Variants in KLHL20 observed in about 807,000 individuals in gnomAD.
The protein encoded by KLHL20 is kelch like family member 20.
KLHL20 carries 29 observed loss-of-function variants against 69.5 expected under a neutral mutation model. The ratio of observed to expected loss-of-function variants is 0.42; its 90% CI spans 0.31 to 0.57. The LOEUF (loss-of-function observed/expected upper bound fraction) is 0.57, where lower values mean the gene tolerates loss of function less well. Ranked by LOEUF, KLHL20 falls within the 20% of genes least tolerant of loss-of-function variation. KLHL20 has a pLI of 0.18. For synonymous variants in KLHL20, 253 were observed against 265.2 expected (o/e 0.95, Z 0.45); for missense variants, 419 against 776.0 (o/e 0.54, Z 5.47).
At chr1:173,777,308 T>C (rs1648534146) in intron 10 of KLHL20, among the ~76,000 whole-genome samples, 1 of 152,222 alleles carries the variant, frequency 6.6e-6, no homozygotes, top group African/African-American at 2.4e-5. Flanking sequence ...AATAGCTTTT[T>C]GGTGGAGTCT....
intron 7 of KLHL20, among the ~76,000 whole-genome samples, chr1:173,759,131 C>T (rs1344088121): frequency 1.3e-5 from 2 of 152,086 alleles, no homozygotes; most frequent in Admixed American, 1.3e-4. Context: ...TACTGACAAC[C>T]TGCATGACTC....
In KLHL20 at chr1:173,756,970, C is replaced by G; in HGVS notation, c.968-6C>G. On this transcript the variant is annotated splice_polypyrimidine_tract_variant and splice_region_variant and intron_variant, in intron 6 of 11. Coordinates refer to ENST00000209884, the MANE Select transcript of KLHL20 (RefSeq NM_014458.4). ...ATTCTCTTGACCATTTCTGTTACTT[C>G]CCCAGTTGGTGGTTGGTGCAGTGGA... 3 of 1,612,102 alleles carry G rather than the reference C, an allele frequency of 1.9e-6. No homozygotes were observed. Among genetic ancestry groups the G allele is most frequent in the Non-Finnish European group, 2.5e-6 (3 of 1,178,718 alleles).
chr1:173,747,419 A>G (rs1209797163), intron 3 of KLHL20, among the ~76,000 whole-genome samples: 1 of 152,012 alleles, frequency 6.6e-6, no homozygotes, highest in Non-Finnish European at 1.5e-5. Context: ...GTCAGATTTA[A>G]TTCATTTGTT....
intron 5 of KLHL20, among the ~76,000 whole-genome samples, chr1:173,753,693 T>C (rs1673408625): frequency 1.3e-5 from 2 of 152,120 alleles, no homozygotes; most frequent in Admixed American, 1.3e-4. Context: ...ATATGTCTGG[T>C]TGGGGAATAG....
intron 8 of KLHL20, among the ~76,000 whole-genome samples, chr1:173,770,826 T>A (rs1648046107): frequency 6.6e-6 from 1 of 152,040 alleles, no homozygotes; most frequent in Non-Finnish European, 1.5e-5. Context: ...GAATGAATAC[T>A]AAGAACTATA....
At chr1:173,751,027 T>C (rs1036241005) in intron 3 of KLHL20, among the ~76,000 whole-genome samples, 2 of 152,180 alleles carry the variant, frequency 1.3e-5, no homozygotes, top group Non-Finnish European at 2.9e-5. Flanking sequence ...TGTAGTACAG[T>C]CTCGTGAGTA....
intron 2 of KLHL20, among the ~76,000 whole-genome samples, chr1:173,733,221 C>A (rs553052781): frequency 6.6e-6 from 1 of 151,948 alleles, no homozygotes; most frequent in African/African-American, 2.4e-5. Flanking sequence ...AGGGTTTTGC[C>A]ACATTCACCA....
chr1:173,756,102 A>T, intron 6 of KLHL20, 64 bp downstream of exon 6: 1 of 1,167,796 alleles, frequency 8.6e-7, no homozygotes, highest in Non-Finnish European at 1.3e-6. Flanking sequence ...TGTCATTTGA[A>T]AAATCCTTTG....
In KLHL20 at chr1:173,767,813, A is replaced by T. The variant is rs534072462; in HGVS notation, c.1295+1524A>T. Among the ~76,000 whole-genome samples, 3 of 152,204 alleles carry T rather than the reference A, an allele frequency of 2.0e-5. No individual in the cohort carries two copies. In the South Asian group the frequency reaches 6.2e-4, roughly 32 times the overall value. On this transcript the variant is annotated intron_variant, in intron 8 of 11. Coordinates refer to ENST00000209884, the MANE Select transcript of KLHL20 (RefSeq NM_014458.4). ...CTTTTATGAGATGTATGGCTTGCAG[A>T]TATGTTCTCCCACTCTGTAGATTGT...
At position 173,733,573 on chromosome 1, in the gene KLHL20, C is replaced by T. The variant is rs1008218972; in HGVS notation, c.24-140C>T. ...GACCAATCTGGGCAACACAGTGAGA[C>T]ATCATCTCTACAAAAAATTTAAAAA... is the stretch of plus-strand genomic sequence containing the variant. On this transcript the variant is annotated intron_variant, in intron 2 of 11. Transcript: ENST00000209884. 8 of 716,584 alleles carry T rather than the reference C, an allele frequency of 1.1e-5. No homozygotes were observed. In the Admixed American group the frequency reaches 1.5e-4, roughly 13 times the overall value. The allele number at this position is 716,584 out of a possible 1,614,324, so 44.4% of individuals were successfully genotyped here.
chr1:173,731,108 A>G (rs60495377), intron 2 of KLHL20, among the ~76,000 whole-genome samples: 9,284 of 152,264 alleles, frequency 0.061, 992 homozygotes, highest in African/African-American at 0.21. Context: ...CAAAAGACAC[A>G]TGAAAAAATG....
chr1:173,725,234 C>G (rs955557852), intron 2 of KLHL20, among the ~76,000 whole-genome samples: 1 of 152,230 alleles, frequency 6.6e-6, no homozygotes, highest in African/African-American at 2.4e-5. Context: ...TCCCAGCATT[C>G]ACATGAATTA....
At chr1:173,770,378 C>T (rs1472385168) in intron 8 of KLHL20, among the ~76,000 whole-genome samples, 2 of 151,760 alleles carry the variant, frequency 1.3e-5, no homozygotes, top group South Asian at 2.1e-4. Flanking sequence ...AAATAGAAGG[C>T]GAAAAGAGGA....
At chr1:173,735,057 T>C in intron 3 of KLHL20, among the ~76,000 whole-genome samples, 1 of 151,980 alleles carries the variant, frequency 6.6e-6, no homozygotes, top group African/African-American at 2.4e-5. Context: ...AAAAACCCAG[T>C]GAGACCCAGA....
rs1191336002 is a variant in KLHL20, at chr1:173,743,121, A to T, written c.598-8643A>T. Among the ~76,000 whole-genome samples the T allele has an allele frequency of 3.0e-4, 7 of 23,426 alleles. No homozygotes were observed. The African/African-American group carries it at 0.016, about 52-fold the overall frequency. The allele number at this position is 23,426 out of a possible 152,430, so 15.4% of individuals were successfully genotyped here. A position where few individuals can be genotyped will look rare whatever the true frequency, so the allele number is the denominator to read the frequency against. On this transcript the variant is annotated intron_variant, in intron 3 of 11. Transcript: ENST00000209884. ...CATAGGGTATAATAAGGAATGTGTA[A>T]AAAAAAAAAAAAAGGTGGTCAAATG...
chr1:173,777,470 C>T (rs1050443633), intron 10 of KLHL20, among the ~76,000 whole-genome samples: 5 of 152,236 alleles, frequency 3.3e-5, no homozygotes, highest in South Asian at 4.1e-4. Context: ...GGTGAAAGTG[C>T]GCATCCCTGT....
chr1:173,774,678 A>G (rs1648337724), intron 9 of KLHL20, among the ~76,000 whole-genome samples: 1 of 152,240 alleles, frequency 6.6e-6, no homozygotes, highest in African/African-American at 2.4e-5. Context: ...GAAATTTATA[A>G]TGAATTTTAA....
chr1:173,768,618 A>T (rs1364555377), intron 8 of KLHL20, among the ~76,000 whole-genome samples: 2 of 152,244 alleles, frequency 1.3e-5, no homozygotes, highest in Non-Finnish European at 2.9e-5. Flanking sequence ...ATAAAAACAG[A>T]TAGAGTAATA....
intron 2 of KLHL20, among the ~76,000 whole-genome samples, chr1:173,722,511 A>G (rs1176859582): frequency 6.6e-6 from 1 of 151,960 alleles, no homozygotes; most frequent in East Asian, 2.0e-4. Flanking sequence ...GAGCCTCCTC[A>G]GGAGGCTGAG....
Sources: allele counts gnomAD v4.1 joint callset (sites outside exome capture counted in the v4.1 genomes callset), GRCh38; gene constraint gnomAD v4.1.1; transcripts MANE v1.5; gene names NCBI Gene and HGNC (gene_info 2026-07-23, HGNC 2026-07-21).